Variants in GRID2 observed in about 807,000 individuals in gnomAD.
GRID2 encodes the protein glutamate receptor ionotropic, delta-2.
Under a neutral mutation model 114.8 loss-of-function variants are expected in GRID2, and 33 were observed. The ratio of observed to expected loss-of-function variants is 0.29; its 90% CI spans 0.22 to 0.38. GRID2 has a LOEUF of 0.38. GRID2 is among the 10% of genes least tolerant of loss of function. The pLI is 1.00. For missense variants in GRID2, 1,184 were observed against 1,257.7 expected (o/e 0.94, Z 0.89); for synonymous variants, 505 against 449.9 (o/e 1.12, Z -1.55).
intron 1 of GRID2, among the ~76,000 whole-genome samples, chr4:92,584,006 G>A (rs36029067): frequency 0.38 from 57,234 of 150,910 alleles, 10,834 homozygotes; most frequent in Middle Eastern, 0.46. Flanking sequence ...TATGCTAAGT[G>A]AAGATGCTTA....
At position 93,370,731 on chromosome 4, in the gene GRID2, C is replaced by T. The variant is rs145777856; in HGVS notation, c.1246-24876C>T. Among the ~76,000 whole-genome samples the T allele has an allele frequency of 2.5e-3, 378 of 152,184 alleles. 2 individuals carry two copies. The highest frequency in any genetic ancestry group is 8.5e-3 in the African/African-American group (351 of 41,504). ...CCTTACACATCTTCATAGCTCCTTA[C>T]ATGTAACTCTATTACTGTGTGCATC... On this transcript the variant is annotated intron_variant, in intron 8 of 15. Coordinates refer to ENST00000282020, the MANE Select transcript of GRID2 (RefSeq NM_001510.4).
chr4:92,803,617 A>G (rs2149373968), intron 2 of GRID2, among the ~76,000 whole-genome samples: 1 of 152,052 alleles, frequency 6.6e-6, no homozygotes, highest in South Asian at 2.1e-4. Context: ...ATAGAATTTT[A>G]AGTTCAGTGA....
At chr4:93,516,556 T>A (rs1454259451) in intron 13 of GRID2, among the ~76,000 whole-genome samples, 1 of 152,150 alleles carries the variant, frequency 6.6e-6, no homozygotes, top group Admixed American at 6.6e-5. Context: ...ATACCCCATT[T>A]TCTGGGGCTC....
At chr4:92,996,266 G>A (rs543755174) in intron 2 of GRID2, among the ~76,000 whole-genome samples, 9 of 150,734 alleles carry the variant, frequency 6.0e-5, no homozygotes, top group South Asian at 4.2e-4. Flanking sequence ...CTACAGCCTC[G>A]TTGACAGAAC....
chr4:92,839,405 C>G (rs1275303792), intron 2 of GRID2, among the ~76,000 whole-genome samples: 1 of 147,866 alleles, frequency 6.8e-6, no homozygotes, highest in Non-Finnish European at 1.5e-5. Flanking sequence ...TCTCCTAATG[C>G]TATCCCTCCC....
At chr4:92,809,504 G>A (rs1416253550) in intron 2 of GRID2, among the ~76,000 whole-genome samples, 2 of 151,884 alleles carry the variant, frequency 1.3e-5, no homozygotes, top group African/African-American at 4.8e-5. Flanking sequence ...AAGTTGATTA[G>A]CTTTCCTGAA....
intron 12 of GRID2, among the ~76,000 whole-genome samples, chr4:93,501,479 T>A (rs191821435): frequency 2.6e-4 from 39 of 152,196 alleles, no homozygotes; most frequent in Non-Finnish European, 4.9e-4. Flanking sequence ...AGGAAGACAT[T>A]CATCTCCTTA....
intron 9 of GRID2, among the ~76,000 whole-genome samples, chr4:93,415,117 T>C (rs1350702774): frequency 6.6e-6 from 1 of 152,142 alleles, no homozygotes; most frequent in Non-Finnish European, 1.5e-5. Flanking sequence ...CTCCAGTGTT[T>C]GTAAATATCA....
chr4:92,902,235 A>C (rs537409309), intron 2 of GRID2, among the ~76,000 whole-genome samples: 32 of 152,144 alleles, frequency 2.1e-4, no homozygotes, highest in African/African-American at 5.8e-4. Context: ...GAGTGTAGAG[A>C]TATTCATAGT....
intron 8 of GRID2, among the ~76,000 whole-genome samples, chr4:93,331,663 GAATA>G (rs1157610550): frequency 1.3e-5 from 2 of 152,066 alleles, no homozygotes; most frequent in African/African-American, 4.8e-5. Flanking sequence ...ATAAATGAAT[GAATA>G]CATACACATA....
intron 8 of GRID2, among the ~76,000 whole-genome samples, chr4:93,261,965 A>C (rs956039720): frequency 6.6e-6 from 1 of 151,634 alleles, no homozygotes; most frequent in African/African-American, 2.4e-5. Flanking sequence ...AAATAGGCTC[A>C]AGGGCCAAAC....
chr4:92,417,098 T>C (rs911819044), intron 1 of GRID2, among the ~76,000 whole-genome samples: 1 of 152,106 alleles, frequency 6.6e-6, no homozygotes, highest in African/African-American at 2.4e-5. Context: ...ATATATGTAA[T>C]TTTAATGCTC....
chr4:93,000,649 A>G (rs999856442), intron 2 of GRID2, among the ~76,000 whole-genome samples: 1 of 151,782 alleles, frequency 6.6e-6, no homozygotes. Flanking sequence ...AATTTGATTT[A>G]ATAGCAATTT....
intron 13 of GRID2, among the ~76,000 whole-genome samples, chr4:93,576,656 T>G (rs1202193731): frequency 1.3e-5 from 2 of 152,208 alleles, no homozygotes; most frequent in East Asian, 3.9e-4. Context: ...CCATATGTAG[T>G]TCACAACACT....
At chr4:92,970,005 C>T (rs573272254) in intron 2 of GRID2, among the ~76,000 whole-genome samples, 7 of 151,904 alleles carry the variant, frequency 4.6e-5, no homozygotes, top group South Asian at 2.1e-4. Context: ...CTAAAATTTC[C>T]GGGCTAACAA....
rs1758103911 is a variant in GRID2 at position 93,328,644 on chromosome 4, A to G, written c.1246-66963A>G. 2.0e-5 allele frequency among the ~76,000 whole-genome samples: 3 copies of G among 151,936 alleles called. No individual in the cohort carries two copies. In the South Asian group the frequency reaches 6.2e-4, roughly 32 times the overall value. The stretch of plus-strand genomic sequence containing the variant: ...TTCATGAGAACAAAGTTTTGGTTTT[A>G]TTTTATTTACCTTTATGGCCTATAT... On this transcript the variant is annotated intron_variant, in intron 8 of 15. Coordinates refer to ENST00000282020, the MANE Select transcript of GRID2 (RefSeq NM_001510.4).
chr4:92,776,783 G>T (rs1049469000), intron 2 of GRID2, among the ~76,000 whole-genome samples: 3 of 151,858 alleles, frequency 2.0e-5, no homozygotes, highest in Non-Finnish European at 4.4e-5. Context: ...ACTAAAAGAA[G>T]TTAATATATT....
intron 2 of GRID2, among the ~76,000 whole-genome samples, chr4:93,025,827 G>A (rs1197803915): frequency 6.6e-6 from 1 of 151,642 alleles, no homozygotes; most frequent in Non-Finnish European, 1.5e-5. Flanking sequence ...GATTTATCAA[G>A]TCATTCTATA....
chr4:93,676,090 A>C (rs1476029120), intron 14 of GRID2, among the ~76,000 whole-genome samples: 7 of 152,258 alleles, frequency 4.6e-5, no homozygotes, highest in Non-Finnish European at 8.8e-5. Flanking sequence ...AGTATGTTGC[A>C]CAAAACAGTT....
Sources: allele counts gnomAD v4.1 joint callset (sites outside exome capture counted in the v4.1 genomes callset), GRCh38; gene constraint gnomAD v4.1.1; transcripts MANE v1.5; gene names NCBI Gene and HGNC (gene_info 2026-07-23, HGNC 2026-07-21).